APCDD1L: variants seen among roughly 807,000 people sequenced by gnomAD.
APCDD1L encodes protein APCDD1-like.
A neutral mutation model predicts 24.2 loss-of-function variants in APCDD1L; 21 were observed. The observed-to-expected ratio is 0.87, with a 90% confidence interval of 0.61 to 1.25. The LOEUF (loss-of-function observed/expected upper bound fraction) is 1.25, where lower values mean the gene tolerates loss of function less well. Ranked by LOEUF, APCDD1L falls within the 50% of genes most tolerant of loss-of-function variation. The pLI is 0.00. For synonymous variants in APCDD1L, 321 were observed against 323.6 expected (o/e 0.99, Z 0.09); for missense variants, 704 against 711.7 (o/e 0.99, Z 0.12).
At chr20:58,492,465 G>A (rs1202518217) in intron 1 of APCDD1L, among the ~76,000 whole-genome samples, 1 of 152,202 alleles carries the variant, frequency 6.6e-6, no homozygotes, top group East Asian at 1.9e-4. Context: ...TCAGGGCCGT[G>A]CAAATTAAGA....
At chr20:58,466,576 T>C (rs1436091547) in intron 3 of APCDD1L, among the ~76,000 whole-genome samples, 3 of 152,220 alleles carry the variant, frequency 2.0e-5, no homozygotes, top group Admixed American at 6.5e-5. Flanking sequence ...CGTTTATTGG[T>C]CCTGATCGTC....
At position 58,461,594 on chromosome 20, in the gene APCDD1L, T is replaced by G. The variant is rs1029133489; in HGVS notation, c.742-40A>C. Reference sequence around the variant, plus strand: ...ACAGAAAAACGGTGGTTGTCCCACATAGAGAAGTTGGGGTGCAGCCTGGAA... The same window carrying G: ...ACAGAAAAACGGTGGTTGTCCCACAGAGAGAAGTTGGGGTGCAGCCTGGAA... On this transcript the variant is annotated intron_variant, in intron 3 of 3. Transcript: ENST00000371149. The surrounding 1 kb of genome is among the most constrained non-coding windows in gnomAD (Gnocchi z 6.0). 5 of 1,396,754 alleles carry G rather than the reference T, an allele frequency of 3.6e-6. No homozygotes were observed. In the South Asian group the frequency reaches 9.3e-5, roughly 26 times the overall value. The allele number at this position is 1,396,754 out of a possible 1,614,324, so 86.5% of individuals were successfully genotyped here.
At chr20:58,470,892 A>G (rs1412760747) in intron 1 of APCDD1L, 145 bp from the exon 2 acceptor site, 2 of 1,190,432 alleles carry the variant, frequency 1.7e-6, no homozygotes, top group Admixed American at 5.9e-5. Context: ...AGGGTGCCCC[A>G]GTTCTGGAGA....
intron 1 of APCDD1L, among the ~76,000 whole-genome samples, chr20:58,489,807 G>GT (rs1990191615): frequency 6.6e-6 from 1 of 152,150 alleles, no homozygotes; most frequent in South Asian, 2.1e-4. Flanking sequence ...GCAGATCTAG[G>GT]TTTTGTGGAG....
chr20:58,480,609 C>T (rs1488143110), intron 1 of APCDD1L, among the ~76,000 whole-genome samples: 1 of 152,158 alleles, frequency 6.6e-6, no homozygotes, highest in Non-Finnish European at 1.5e-5. Flanking sequence ...AGGATAACTC[C>T]CCGAGGCCTC....
intron 1 of APCDD1L, among the ~76,000 whole-genome samples, chr20:58,476,907 C>T (rs1430029488): frequency 1.3e-5 from 2 of 152,224 alleles, no homozygotes; most frequent in African/African-American, 2.4e-5. Context: ...GCGGAGATCT[C>T]GGCATAAATG....
In APCDD1L at chr20:58,461,377, GC is replaced by G. The variant is rs772782882; in HGVS notation, c.918del (p.His307ThrfsTer54). On this transcript the variant is annotated frameshift_variant, in exon 4 of 4. Transcript: ENST00000371149. LOFTEE classifies it low-confidence loss of function (END_TRUNC). The surrounding 1 kb of genome is among the most constrained non-coding windows in gnomAD (Gnocchi z 6.0). The part of the protein sequence containing the change: ...LFLTRLFTFH[G>X]HSRSWEGYYH... ...TAATACCCTTCCCAGGAGCGGCTGT[GC>G]CCGTGGAAAGTGAAGAGCCGGGTGA... The G allele has an allele frequency of 7.7e-6, 12 of 1,563,634 alleles. No individual in the cohort carries two copies. In the East Asian group the frequency reaches 2.7e-4, roughly 35 times the overall value.
At chr20:58,488,314 T>TG (rs1391223483) in intron 1 of APCDD1L, among the ~76,000 whole-genome samples, 2 of 152,116 alleles carry the variant, frequency 1.3e-5, no homozygotes, top group Non-Finnish European at 2.9e-5. Context: ...AGACACCCAC[T>TG]GGGGGTCATG....
chr20:58,509,449 C>T (rs865830544), intron 1 of APCDD1L, among the ~76,000 whole-genome samples: 11 of 152,278 alleles, frequency 7.2e-5, no homozygotes, highest in Admixed American at 3.3e-4. Flanking sequence ...TTGGGCAAGT[C>T]ACCTACTTCT....
At chr20:58,513,096 C>G (rs1268870828) in intron 1 of APCDD1L, among the ~76,000 whole-genome samples, 1 of 152,210 alleles carries the variant, frequency 6.6e-6, no homozygotes, top group Non-Finnish European at 1.5e-5. Flanking sequence ...ACTGAGACTG[C>G]AGGTTCCTGG....
At chr20:58,485,697 C>A (rs1047008564) in intron 1 of APCDD1L, among the ~76,000 whole-genome samples, 3 of 152,334 alleles carry the variant, frequency 2.0e-5, no homozygotes, top group Non-Finnish European at 4.4e-5. Flanking sequence ...CAAGCATGAT[C>A]TTTAAAAAAT....
Position 58,460,734 on chromosome 20 carries a change from G to T in APCDD1L, c.*56C>A. On this transcript the variant is annotated 3_prime_UTR_variant, in exon 4 of 4. Coordinates refer to ENST00000371149, the MANE Select transcript of APCDD1L (RefSeq NM_153360.3). The surrounding 1 kb of genome is among the most constrained non-coding windows in gnomAD (Gnocchi z 4.2). ...TTCCTTCCCTACAGCTGCCAGGAGG[G>T]AGTCTGAAGGGTTGAATGGGTGTCC... The T allele has an allele frequency of 6.7e-7, 1 of 1,492,288 alleles. No homozygotes were observed. Among genetic ancestry groups the T allele is most frequent in the South Asian group, 1.4e-5 (1 of 70,998 alleles). 92.4% of individuals were successfully genotyped at this position (1,492,288 alleles called of 1,614,324 possible). A position where few individuals can be genotyped will look rare whatever the true frequency, so the allele number is the denominator to read the frequency against.
chr20:58,461,127 T>C lies in APCDD1L; in HGVS notation c.1169A>G (p.Glu390Gly), dbSNP rs749251955. The change falls in exon 4 of 4, where the codon GAG (glutamate) becomes GGG (glycine). Residue 390 changes from glutamate (E) to glycine (G), a missense_variant. Glu to Gly is a moderately conservative substitution (Grantham distance 98, BLOSUM62 -2). Coordinates refer to ENST00000371149, the MANE Select transcript of APCDD1L (RefSeq NM_153360.3). The surrounding 1 kb of genome is among the most constrained non-coding windows in gnomAD (Gnocchi z 6.0). ...GGAGAWSMGT[E>G]RDVTATNGCL... ...GCCGTTGGTGGCTGTGACATCCCGCTCAGTGCCCATGGACCAGGCCCCCGC... is the reference window on the plus strand; with the variant it reads ...GCCGTTGGTGGCTGTGACATCCCGCCCAGTGCCCATGGACCAGGCCCCCGC... 1 of 1,613,698 alleles carries C rather than the reference T, an allele frequency of 6.2e-7. No homozygotes were observed. The highest frequency in any genetic ancestry group is 8.5e-7 in the Non-Finnish European group (1 of 1,179,852).
intron 1 of APCDD1L, among the ~76,000 whole-genome samples, chr20:58,495,983 C>T (rs1303842473): frequency 6.6e-6 from 1 of 152,160 alleles, no homozygotes; most frequent in African/African-American, 2.4e-5. Flanking sequence ...ACAGAGGGGG[C>T]GGTGGCTGCG....
In APCDD1L at chr20:58,467,651, C is replaced by A; in HGVS notation, c.196G>T (p.Val66Leu). 1 of 1,495,074 alleles carries A rather than the reference C, an allele frequency of 6.7e-7. No homozygotes were observed. Among genetic ancestry groups the A allele is most frequent in the Admixed American group, 2.1e-5 (1 of 46,758 alleles). The allele number at this position is 1,495,074 out of a possible 1,614,324, so 92.6% of individuals were successfully genotyped here. The change falls in exon 3 of 4, where the codon GTG becomes TTG. Residue 66 changes from valine to leucine, a missense_variant. Val to Leu is a conservative substitution (Grantham distance 32). Transcript: ENST00000371149. This position sits in a 1 kb window ranked among gnomAD's most constrained non-coding sequence, Gnocchi z 5.9. ...NGPWISTGCE[V>L]RPGPEFLTRA... ...GTCAGGAACTCCGGTCCTGGGCGCACCTCGCAGCTGCAGGGGTGGAAGGAG... is the reference window on the plus strand; with the variant it reads ...GTCAGGAACTCCGGTCCTGGGCGCAACTCGCAGCTGCAGGGGTGGAAGGAG...
intron 3 of APCDD1L, among the ~76,000 whole-genome samples, chr20:58,462,607 G>A (rs1989629286): frequency 6.6e-6 from 1 of 152,168 alleles, no homozygotes; most frequent in African/African-American, 2.4e-5. Flanking sequence ...TCTTTGGGAG[G>A]CTGAGGTGGG....
chr20:58,508,651 G>A lies in APCDD1L; in HGVS notation c.49+6008C>T, dbSNP rs1207787994. Among the ~76,000 whole-genome samples the A allele has an allele frequency of 1.3e-5, 2 of 152,146 alleles. No homozygotes were observed. Among genetic ancestry groups the A allele is most frequent in the African/African-American group, 2.4e-5 (1 of 41,424 alleles). On this transcript the variant is annotated intron_variant, in intron 1 of 3. Transcript: ENST00000371149. This position sits in a 1 kb window ranked among gnomAD's most constrained non-coding sequence, Gnocchi z 4.0. ...AGGGCCCTTCAGTGCAGCTGTGACTGGGGTTCCCGTCTGCCACTGCTTACA... is the reference window on the plus strand; with the variant it reads ...AGGGCCCTTCAGTGCAGCTGTGACTAGGGTTCCCGTCTGCCACTGCTTACA...
intron 1 of APCDD1L, among the ~76,000 whole-genome samples, chr20:58,483,448 T>C (rs1387286174): frequency 6.6e-6 from 1 of 152,152 alleles, no homozygotes; most frequent in Non-Finnish European, 1.5e-5. Context: ...GGTGGACATT[T>C]TACACTGGAT....
At chr20:58,473,447 A>G (rs1352749520) in intron 1 of APCDD1L, among the ~76,000 whole-genome samples, 2 of 152,372 alleles carry the variant, frequency 1.3e-5, no homozygotes, top group East Asian at 3.9e-4. Context: ...AGAGCTCCTC[A>G]AGATGCACCT....
Sources: gnomAD v4.1 joint callset for allele counts (sites outside exome capture counted in the v4.1 genomes callset) on GRCh38, gnomAD v4.1.1 for gene constraint, Gnocchi (gnomAD v3.1) non-coding constraint, MANE v1.5 for transcripts, NCBI Gene and HGNC (gene_info 2026-07-23, HGNC 2026-07-21) for gene names.